Variants in JAZF1 observed in about 807,000 individuals in gnomAD.
JAZF1 encodes JAZF zinc finger 1, also known as juxtaposed with another zinc finger protein 1.
In JAZF1, 8 loss-of-function variants were observed where a neutral mutation model predicts 26.4. That is an observed-to-expected ratio of 0.30 (90% CI 0.18 to 0.55). The LOEUF (loss-of-function observed/expected upper bound fraction) is 0.55, where lower values mean the gene tolerates loss of function less well. Among genes scored for constraint, JAZF1 ranks in the 20% least tolerant of loss-of-function variants. The pLI, the probability that JAZF1 is intolerant of heterozygous loss-of-function variation, is 0.94. For synonymous variants in JAZF1, 126 were observed against 122.3 expected (o/e 1.03, Z -0.20); for missense variants, 199 against 322.0 (o/e 0.62, Z 2.92).
chr7:28,137,680 T>C (rs1333142654), intron 1 of JAZF1, among the ~76,000 whole-genome samples: 1 of 152,150 alleles, frequency 6.6e-6, no homozygotes, highest in Non-Finnish European at 1.5e-5. Context: ...TCTCCACAGA[T>C]GCCGTTTCTT....
intron 1 of JAZF1, among the ~76,000 whole-genome samples, chr7:28,000,351 C>T (rs1176183319): frequency 1.3e-5 from 2 of 152,136 alleles, no homozygotes; most frequent in Admixed American, 6.5e-5. Context: ...CCTACATACG[C>T]ACGCAGAGTA....
rs56321937 is a variant in JAZF1 at position 28,101,576 on chromosome 7, T to TAAAAAAAA, written c.115+78879_115+78886dup. On this transcript the variant is annotated intron_variant, in intron 1 of 4. Transcript: ENST00000283928. ...AGCATAATGAGACTCATTTCTATAT[T>TAAAAAAAA]AAAAAAAAAAAAAAAAAAAAAGCCT... Among the ~76,000 whole-genome samples, 6 of 97,992 alleles carry TAAAAAAAA rather than the reference T, an allele frequency of 6.1e-5. 3 individuals carry two copies. Among genetic ancestry groups the TAAAAAAAA allele is most frequent in the African/African-American group, 8.4e-5 (2 of 23,706 alleles). 64.3% of individuals were successfully genotyped at this position (97,992 alleles called of 152,430 possible). A position where few individuals can be genotyped will look rare whatever the true frequency, so the allele number is the denominator to read the frequency against.
intron 1 of JAZF1, among the ~76,000 whole-genome samples, chr7:28,152,883 T>C (rs1783131242): frequency 6.6e-6 from 1 of 152,198 alleles, no homozygotes; most frequent in Non-Finnish European, 1.5e-5. Context: ...CCAATACAGA[T>C]ACACAGAAAT....
intron 2 of JAZF1, among the ~76,000 whole-genome samples, chr7:27,953,512 G>C (rs1391109333): frequency 6.6e-6 from 1 of 152,194 alleles, no homozygotes; most frequent in African/African-American, 2.4e-5. Context: ...TCAGCTTTGA[G>C]AGGATGAGAG....
At chr7:28,175,392 A>G (rs980907190) in intron 1 of JAZF1, among the ~76,000 whole-genome samples, 1 of 152,236 alleles carries the variant, frequency 6.6e-6, no homozygotes, top group African/African-American at 2.4e-5. Context: ...GTAGGATTAC[A>G]TATTTATTTA....
intron 2 of JAZF1, among the ~76,000 whole-genome samples, chr7:27,981,359 C>A (rs575025452): frequency 1.3e-5 from 2 of 152,270 alleles, no homozygotes; most frequent in African/African-American, 4.8e-5. Flanking sequence ...AAGCCTATCT[C>A]TTCAACAAGT....
At chr7:27,904,319 G>C (rs961203655) in intron 2 of JAZF1, among the ~76,000 whole-genome samples, 10 of 152,290 alleles carry the variant, frequency 6.6e-5, no homozygotes, top group Admixed American at 2.0e-4. Context: ...AATTCATGTG[G>C]CGGATCTTCT....
intron 1 of JAZF1, among the ~76,000 whole-genome samples, chr7:28,035,340 A>AAAAAAAAAAAAAAAAAAAAG (rs1562565710): frequency 6.9e-6 from 1 of 145,314 alleles, no homozygotes. Flanking sequence ...AAAAAAAAAA[A>AAAAAAAAAAAAAAAAAAAAG]AAAGAAAGAA....
chr7:27,835,986 A>AG (rs1782803057), intron 4 of JAZF1, among the ~76,000 whole-genome samples: 1 of 152,182 alleles, frequency 6.6e-6, no homozygotes, highest in Non-Finnish European at 1.5e-5. Context: ...CTTATTTAAT[A>AG]CTCATGTTCT....
At chr7:27,994,451 A>C (rs56708903) in intron 1 of JAZF1, among the ~76,000 whole-genome samples, 1 of 65,458 alleles carries the variant, frequency 1.5e-5, no homozygotes, top group Non-Finnish European at 3.8e-5. Flanking sequence ...CAAAAAAAAA[A>C]AAACAAAAAA....
At chr7:27,916,649 G>A (rs1056467766) in intron 2 of JAZF1, among the ~76,000 whole-genome samples, 2 of 152,180 alleles carry the variant, frequency 1.3e-5, no homozygotes, top group African/African-American at 2.4e-5. Flanking sequence ...GCACTTCAGC[G>A]CTATGCTTGG....
intron 1 of JAZF1, among the ~76,000 whole-genome samples, chr7:28,129,647 A>G (rs1413854692): frequency 1.3e-5 from 2 of 152,232 alleles, no homozygotes; most frequent in African/African-American, 4.8e-5. Context: ...CAGTTGAGAA[A>G]AAGTCTGTAT....
rs1199629854 is a variant in JAZF1 at position 28,110,636 on chromosome 7, AAAAGG to A, written c.115+69822_115+69826del. ...AAGGAAAAGGAAAGGAAAGGAAAGG[AAAAGG>A]AAAGGAAAGGAAAGGAAAAGAAAAG... On this transcript the variant is annotated intron_variant, in intron 1 of 4. Transcript: ENST00000283928. 4.8e-3 allele frequency among the ~76,000 whole-genome samples: 704 copies of A among 145,306 alleles called. 11 individuals carry two copies. The highest frequency in any genetic ancestry group is 0.017 in the African/African-American group (681 of 39,052).
chr7:28,001,416 C>A (rs902756654), intron 1 of JAZF1, among the ~76,000 whole-genome samples: 1 of 152,008 alleles, frequency 6.6e-6, no homozygotes, highest in Non-Finnish European at 1.5e-5. Context: ...TAATCTAAGA[C>A]AGACTACAAT....
intron 2 of JAZF1, among the ~76,000 whole-genome samples, chr7:27,902,180 C>T (rs1434081825): frequency 6.6e-6 from 1 of 152,080 alleles, no homozygotes; most frequent in African/African-American, 2.4e-5. Flanking sequence ...ATGGGGCTGC[C>T]CCAGACCCTA....
intron 1 of JAZF1, among the ~76,000 whole-genome samples, chr7:28,180,035 A>G (rs1444812022): frequency 7.2e-6 from 1 of 138,620 alleles, no homozygotes; most frequent in African/African-American, 2.7e-5. Flanking sequence ...GCCTCGGGCT[A>G]CTCCGACCAC....
At chr7:28,007,896 T>C (rs1455147561) in intron 1 of JAZF1, among the ~76,000 whole-genome samples, 2 of 151,824 alleles carry the variant, frequency 1.3e-5, no homozygotes, top group Non-Finnish European at 2.9e-5. Flanking sequence ...AGAGTTCTTT[T>C]TTTTCCTCGC....
intron 1 of JAZF1, among the ~76,000 whole-genome samples, chr7:28,054,353 C>G (rs929983901): frequency 6.6e-6 from 1 of 152,130 alleles, no homozygotes; most frequent in Non-Finnish European, 1.5e-5. Context: ...TCCTTTATAA[C>G]AACTGATACA....
At chr7:27,996,490 C>T (rs1786020288) in intron 1 of JAZF1, among the ~76,000 whole-genome samples, 1 of 152,064 alleles carries the variant, frequency 6.6e-6, no homozygotes, top group Non-Finnish European at 1.5e-5. Context: ...AGGCAAATGC[C>T]CACCCAGCCA....
Sources: allele counts gnomAD v4.1 joint callset (sites outside exome capture counted in the v4.1 genomes callset), GRCh38; gene constraint gnomAD v4.1.1; transcripts MANE v1.5; gene names NCBI Gene and HGNC (gene_info 2026-07-23, HGNC 2026-07-21).